L1CAM: variants seen among roughly 807,000 people sequenced by gnomAD.
L1CAM encodes L1 cell adhesion molecule.
L1CAM carries 8 observed loss-of-function variants against 93.0 expected under a neutral mutation model. That is an observed-to-expected ratio of 0.09 (90% CI 0.05 to 0.16). The LOEUF (loss-of-function observed/expected upper bound fraction) is 0.16, where lower values mean the gene tolerates loss of function less well. L1CAM is among the 10% of genes least tolerant of loss of function. The pLI is 1.00. For missense variants in L1CAM, 777 were observed against 1,073.4 expected (o/e 0.72, Z 3.86); for synonymous variants, 453 against 453.0 (o/e 1.00, Z 0.00).
rs201707566 is a variant in L1CAM, at chrX:153,875,956, G to T, written c.-108-12C>A. 1 of 549,323 alleles carries T rather than the reference G, an allele frequency of 1.8e-6. No homozygotes were observed. Among genetic ancestry groups the T allele is most frequent in the African/African-American group, 2.3e-5 (1 of 43,590 alleles). The allele number at this position is 549,323 out of a possible 1,213,427, so 45.3% of individuals were successfully genotyped here. A position where few individuals can be genotyped will look rare whatever the true frequency, so the allele number is the denominator to read the frequency against. ...TGGGAGTGGGGGCACTGGGAGAGGGGAGAAGGGAAGGGAAGGGTGGGGGAA... is the reference window on the plus strand; with the variant it reads ...TGGGAGTGGGGGCACTGGGAGAGGGTAGAAGGGAAGGGAAGGGTGGGGGAA... On this transcript the variant is annotated splice_polypyrimidine_tract_variant and intron_variant, in intron 1 of 28. Transcript: ENST00000370060.
At chrX:153,875,646 A>G in intron 2 of L1CAM, 115 bp downstream of exon 2, 1 of 654,876 alleles carries the variant, frequency 1.5e-6, no homozygotes. Context: ...GTGCCCAGGA[A>G]AGGCCAGGGA....
At position 153,868,951 on chromosome X, in the gene L1CAM, C is replaced by T. The variant is rs41311706; in HGVS notation, c.1269G>A (p.Gln423=). The T allele has an allele frequency of 8.3e-6, 10 of 1,199,800 alleles. No homozygotes were observed. Among genetic ancestry groups the T allele is most frequent in the Non-Finnish European group, 1.1e-5 (10 of 885,497 alleles). Residue 423 remains glutamine, a splice_region_variant and synonymous_variant, in exon 12 of 29, where the codon CAG becomes CAA. Coordinates refer to ENST00000370060, the MANE Select transcript of L1CAM (RefSeq NM_001278116.2). ...CCGCAGTCAGGATCTTGGCTGGCAGCTCTAGGGGAGGAACAGCCTCAGGAG... is the reference window on the plus strand; with the variant it reads ...CCGCAGTCAGGATCTTGGCTGGCAGTTCTAGGGGAGGAACAGCCTCAGGAG... The part of the protein sequence containing the change: ...LLANAYIYVV[Q]LPAKILTADN...
chrX:153,870,347 A>C (rs1400775196), intron 8 of L1CAM, 41 bp downstream of exon 8: 6 of 1,185,298 alleles, frequency 5.1e-6, no homozygotes, highest in Non-Finnish European at 5.7e-6. Flanking sequence ...GGGCTCCGCC[A>C]CCCTGCCCTG....
At chrX:153,885,480 AG>A (rs2064873219) in intron 1 of L1CAM, 2 of 864,686 alleles carry the variant, frequency 2.3e-6, no homozygotes, top group Non-Finnish European at 3.0e-6. Context: ...AAGAAGAAGG[AG>A]GAGAACAAAG....
chrX:153,862,868 C>T lies in L1CAM; in HGVS notation c.3569G>A (p.Ser1190Asn), dbSNP rs781784745. Reference protein sequence around the residue: ...ESDNEEKAFGSSQPSLNGDIK... With the variant: ...ESDNEEKAFGNSQPSLNGDIK... ...GTCCCCGTTGAGCGATGGCTGGCTGCTGCCAAAGGCCTTCTCCTCGTTGTC... is the reference window on the plus strand; with the variant it reads ...GTCCCCGTTGAGCGATGGCTGGCTGTTGCCAAAGGCCTTCTCCTCGTTGTC... The change falls in exon 29 of 29, where the codon AGC becomes AAC. Residue 1190 changes from serine (S) to asparagine (N), a missense_variant. By Grantham distance (46) the Ser-to-Asn change is conservative. Around this residue, in one of 5 missense-constraint regions of L1CAM, gnomAD observed 110 missense variants for 141.7 expected, o/e 0.78. Coordinates refer to ENST00000370060, the MANE Select transcript of L1CAM (RefSeq NM_001278116.2). 1.7e-6 allele frequency: 2 copies of T among 1,211,687 alleles called. No homozygotes were observed. The highest frequency in any genetic ancestry group is 3.0e-5 in the East Asian group (1 of 33,853).
chrX:153,873,615 A>C (rs1013074811), intron 2 of L1CAM, among the ~76,000 whole-genome samples: 16 of 112,226 alleles, frequency 1.4e-4, no homozygotes, highest in Admixed American at 2.8e-4. Flanking sequence ...GGGCCTGCAG[A>C]ACTGACCCCA....
chrX:153,861,768 A>AGACTGGC lies in L1CAM; in HGVS notation c.*894_*895insGCCAGTC, dbSNP rs2064662931. 1 of 109,376 alleles carries AGACTGGC rather than the reference A, an allele frequency of 9.1e-6. No homozygotes were observed. The highest frequency in any genetic ancestry group is 1.9e-5 in the Non-Finnish European group (1 of 52,549). 9.0% of individuals were successfully genotyped at this position (109,376 alleles called of 1,213,427 possible). ...CCTAGGGACTCAGACATCTGCCTAC[A>AGACTGGC]CACTAGTGGCGTAAAGGGAAGGACA... is the stretch of plus-strand genomic sequence containing the variant. On this transcript the variant is annotated 3_prime_UTR_variant, in exon 29 of 29. Transcript: ENST00000370060.
intron 21 of L1CAM, 34 bp from the exon 22 acceptor site, chrX:153,865,244 C>G (rs1557090481): frequency 3.3e-6 from 4 of 1,208,172 alleles, no homozygotes; most frequent in Non-Finnish European, 4.5e-6. Context: ...CAGGTAGGTC[C>G]TCGCCCAGGT....
chrX:153,864,025 T>G lies in L1CAM; in HGVS notation c.3323-8A>C, dbSNP rs1557089873. The G allele has an allele frequency of 2.0e-5, 24 of 1,209,804 alleles. No homozygotes were observed. The highest frequency in any genetic ancestry group is 2.7e-5 in the Non-Finnish European group (24 of 894,938). ...GAGGGAGCCTCACGCGGCCTGAGGG[T>G]GAGACACCAGCCCCCCGTGCTGCCG... On this transcript the variant is annotated splice_region_variant and splice_polypyrimidine_tract_variant and intron_variant, in intron 25 of 28. Transcript: ENST00000370060.
intron 1 of L1CAM, among the ~76,000 whole-genome samples, chrX:153,878,910 T>C (rs1443519929): frequency 9.0e-6 from 1 of 111,053 alleles, no homozygotes; most frequent in African/African-American, 3.3e-5. Flanking sequence ...ACTTCTTTTT[T>C]GGTCTCCCAG....
rs1557091670 is a variant in L1CAM at position 153,868,118 on chromosome X, A to G, written c.1708T>C (p.Phe570Leu). The change falls in exon 15 of 29, where the codon TTC (phenylalanine) becomes CTC (leucine). Residue 570 changes from phenylalanine (F) to leucine (L), a missense_variant. Coordinates refer to ENST00000370060, the MANE Select transcript of L1CAM (RefSeq NM_001278116.2). Reference protein sequence around the residue: ...LQELGDSDKYFIEDGRLVIHS... With the variant: ...LQELGDSDKYLIEDGRLVIHS... ...ATGACCAGGCGCCCATCCTCTATGA[A>G]GTACCTGCGGAGGAGCCGTGTCTGT... is the stretch of plus-strand genomic sequence containing the variant. The G allele has an allele frequency of 8.3e-7, 1 of 1,210,271 alleles. No homozygotes were observed. Among genetic ancestry groups the G allele is most frequent in the Non-Finnish European group, 1.1e-6 (1 of 895,255 alleles).
Position 153,868,101 on chromosome X carries a change from G to A in L1CAM, c.1725C>T (p.Arg575=). The change falls in exon 15 of 29, where the codon CGC becomes CGT. Residue 575 remains arginine (R), a synonymous_variant. Transcript: ENST00000370060. ...TGTAGTCCAGGCTGTGGATGACCAG[G>A]CGCCCATCCTCTATGAAGTACCTGC... ...DSDKYFIEDG[R]LVIHSLDYSD... is the part of the protein sequence containing the mutation. 2 of 1,210,650 alleles carry A rather than the reference G, an allele frequency of 1.7e-6. No individual in the cohort carries two copies. The highest frequency in any genetic ancestry group is 2.2e-6 in the Non-Finnish European group (2 of 895,172).
chrX:153,872,968 A>T (rs1405772592), intron 3 of L1CAM: 9 of 451,340 alleles, frequency 2.0e-5, no homozygotes, highest in Non-Finnish European at 2.3e-5. Flanking sequence ...AAGACACAGA[A>T]ACCAAGAAGG....
chrX:153,883,198 G>A (rs980555221), intron 1 of L1CAM, among the ~76,000 whole-genome samples: 11 of 111,435 alleles, frequency 9.9e-5, no homozygotes, highest in Admixed American at 7.6e-4. Flanking sequence ...AGCTGGGGGG[G>A]ACAAGGAGAG....
intron 1 of L1CAM, among the ~76,000 whole-genome samples, chrX:153,878,166 A>C (rs1229902819): frequency 1.8e-5 from 2 of 112,511 alleles, no homozygotes; most frequent in African/African-American, 6.5e-5. Context: ...CATACTGTGC[A>C]TCCTCCCTCT....
chrX:153,878,475 G>A (rs2064827321), intron 1 of L1CAM, among the ~76,000 whole-genome samples: 1 of 112,940 alleles, frequency 8.9e-6, no homozygotes, highest in Non-Finnish European at 1.9e-5. Context: ...GGGCCCAGAA[G>A]GGAAGAGCAA....
chrX:153,874,521 C>T (rs2064798539), intron 2 of L1CAM, among the ~76,000 whole-genome samples: 1 of 112,771 alleles, frequency 8.9e-6, no homozygotes, highest in Admixed American at 9.3e-5. Context: ...CTGCCTGGCC[C>T]TGGCCCTCCA....
rs782056748 is a variant in L1CAM at position 153,865,524 on chromosome X, C to T, written c.2548-24G>A. 13 of 1,192,051 alleles carry T rather than the reference C, an allele frequency of 1.1e-5. No homozygotes were observed. In the East Asian group the frequency reaches 2.4e-4, roughly 22 times the overall value. ...ACCTGCACAAGCGAACAGGAGACCT[C>T]GCAGGGGCAGAAGGCACCCAGCAGG... On this transcript the variant is annotated intron_variant, in intron 20 of 28. Transcript: ENST00000370060.
At chrX:153,874,454 T>G (rs1017024915) in intron 2 of L1CAM, among the ~76,000 whole-genome samples, 11 of 113,228 alleles carry the variant, frequency 9.7e-5, no homozygotes, top group African/African-American at 3.5e-4. Flanking sequence ...TCCCTGCACC[T>G]GCCTTGTCTT....
Sources: gnomAD v4.1 joint callset for allele counts (sites outside exome capture counted in the v4.1 genomes callset) on GRCh38, gnomAD v4.1.1 for gene constraint, gnomAD v4.1.1 regional missense constraint, MANE v1.5 for transcripts, NCBI Gene and HGNC (gene_info 2026-07-23, HGNC 2026-07-21) for gene names.